The following MID1 variants were observed in gnomAD, a reference collection of about 807,000 sequenced individuals.
MID1 encodes the protein midline 1, also known as E3 ubiquitin-protein ligase Midline-1.
In MID1, 7 loss-of-function variants were observed where a neutral mutation model predicts 40.4. The ratio of observed to expected loss-of-function variants is 0.17; its 90% CI spans 0.10 to 0.33. MID1 has a LOEUF of 0.33. Ranked by LOEUF, MID1 falls within the 10% of genes least tolerant of loss-of-function variation. The pLI is 1.00. For missense variants in MID1, 367 were observed against 558.5 expected (o/e 0.66, Z 3.46); for synonymous variants, 229 against 221.2 (o/e 1.04, Z -0.31).
chrX:10,779,375 G>A (rs2043829437), intron 1 of MID1, among the ~76,000 whole-genome samples: 1 of 111,248 alleles, frequency 9.0e-6, no homozygotes, highest in African/African-American at 3.3e-5. Flanking sequence ...GTCTCCCCGT[G>A]TTGTCCAGGT....
rs150367454 is a variant in MID1 at position 10,659,633 on chromosome X, G to A, written c.-186-39214C>T. ...GCTGTCTTAGGTGAAAGTTTCACTAGAACAACTCTTAGATTCAAACTTGTA... is the reference window on the plus strand; with the variant it reads ...GCTGTCTTAGGTGAAAGTTTCACTAAAACAACTCTTAGATTCAAACTTGTA... On this transcript the variant is annotated intron_variant, in intron 1 of 10. Coordinates refer to the MID1 transcript ENST00000380785. Among the ~76,000 whole-genome samples, 1,023 of 110,578 alleles carry A rather than the reference G, an allele frequency of 9.3e-3. 13 individuals are homozygous for A. The highest frequency in any genetic ancestry group is 0.032 in the African/African-American group (974 of 30,383).
chrX:10,531,440 C>T (rs987325976), intron 2 of MID1, among the ~76,000 whole-genome samples: 9 of 111,396 alleles, frequency 8.1e-5, no homozygotes, highest in Non-Finnish European at 1.5e-4. Flanking sequence ...GACAGGCCGC[C>T]GAGGGAACTT....
chrX:10,812,870 C>T (rs1249497952), intron 1 of MID1, among the ~76,000 whole-genome samples: 1 of 110,949 alleles, frequency 9.0e-6, no homozygotes, highest in Non-Finnish European at 1.9e-5. Flanking sequence ...AACTGGCAAG[C>T]CACTCTCCCT....
chrX:10,491,032 A>G (rs1602297664), intron 4 of MID1, among the ~76,000 whole-genome samples: 1 of 111,625 alleles, frequency 9.0e-6, no homozygotes, highest in Non-Finnish European at 1.9e-5. Context: ...TCCTTCATCA[A>G]CCTTAACTAC....
intron 1 of MID1, among the ~76,000 whole-genome samples, chrX:10,777,191 A>G (rs183529949): frequency 1.8e-5 from 2 of 111,206 alleles, no homozygotes; most frequent in Admixed American, 1.9e-4. Context: ...TACTTATTTT[A>G]TTTGTTTGTT....
intron 5 of MID1, among the ~76,000 whole-genome samples, chrX:10,476,929 A>T (rs759297746): frequency 8.9e-6 from 1 of 112,387 alleles, no homozygotes; most frequent in African/African-American, 3.2e-5. Flanking sequence ...CTTATGACCC[A>T]TGAACACAAA....
intron 1 of MID1, among the ~76,000 whole-genome samples, chrX:10,790,292 C>T (rs1233656703): frequency 9.1e-6 from 1 of 109,710 alleles, no homozygotes; most frequent in East Asian, 2.8e-4. Context: ...CTATGGGTCC[C>T]ACCACGCCCA....
chrX:10,717,585 A>G (rs1318618671), intron 1 of MID1, among the ~76,000 whole-genome samples: 2 of 110,267 alleles, frequency 1.8e-5, no homozygotes, highest in Non-Finnish European at 1.9e-5. Context: ...AGACTCCCAC[A>G]CAATAATAAT....
At chrX:10,755,023 A>G (rs964139622) in intron 1 of MID1, among the ~76,000 whole-genome samples, 4 of 111,721 alleles carry the variant, frequency 3.6e-5, no homozygotes, top group Non-Finnish European at 5.6e-5. Context: ...AACTTGCAGG[A>G]AAAGTTTGAA....
intron 1 of MID1, among the ~76,000 whole-genome samples, chrX:10,758,224 C>G (rs2043647450): frequency 9.3e-6 from 1 of 107,971 alleles, no homozygotes; most frequent in South Asian, 4.1e-4. Context: ...ATCTGCCCGT[C>G]TCAGCCTCCC....
chrX:10,650,618 A>G lies in MID1; in HGVS notation c.-186-30199T>C, dbSNP rs1936307280. Among the ~76,000 whole-genome samples, 4 of 111,103 alleles carry G rather than the reference A, an allele frequency of 3.6e-5. No homozygotes were observed. The South Asian group carries it at 1.6e-3, about 43-fold the overall frequency. On this transcript the variant is annotated intron_variant, in intron 1 of 10. Transcript: ENST00000380785. ...CATTGTATGTTCTTCAAGCCCATTG[A>G]ATCTCCCTAAAAATAATTTACTAAT...
At position 10,605,447 on chromosome X, in the gene MID1, T is replaced by C. The variant is rs1387453156; in HGVS notation, c.-57+14843A>G. 2.7e-5 allele frequency among the ~76,000 whole-genome samples: 3 copies of C among 111,687 alleles called. No homozygotes were observed. In the Admixed American group the frequency reaches 2.9e-4, roughly 11 times the overall value. ...ACATAAACTATATGAAGAAAATTTG[T>C]ACCATTTCCTCTAAGAAGGGTGATT... On this transcript the variant is annotated intron_variant, in intron 1 of 9. Transcript: ENST00000317552.
chrX:10,523,048 G>T, intron 3 of MID1, 44 bp downstream of exon 3: 2 of 924,732 alleles, frequency 2.2e-6, no homozygotes, highest in Non-Finnish European at 3.1e-6. Flanking sequence ...TGATCTGGCA[G>T]TTTTCATATG....
chrX:10,642,043 A>G (rs1936203499), intron 1 of MID1, among the ~76,000 whole-genome samples: 1 of 112,060 alleles, frequency 8.9e-6, no homozygotes, highest in Non-Finnish European at 1.9e-5. Context: ...ATTTATGACA[A>G]ACTTACAGCC....
intron 2 of MID1, among the ~76,000 whole-genome samples, chrX:10,557,970 C>T (rs1934186213): frequency 9.1e-6 from 1 of 110,375 alleles, no homozygotes; most frequent in Non-Finnish European, 1.9e-5. Context: ...ATGTCTCTTC[C>T]CCCTTTTATT....
At chrX:10,674,372 C>G (rs2043007709) in intron 1 of MID1, among the ~76,000 whole-genome samples, 3 of 112,569 alleles carry the variant, frequency 2.7e-5, no homozygotes, top group African/African-American at 9.7e-5. Flanking sequence ...ATTGTTAGAA[C>G]AGCACGAGTT....
intron 1 of MID1, among the ~76,000 whole-genome samples, chrX:10,721,459 G>A (rs2043354136): frequency 9.0e-6 from 1 of 110,784 alleles, no homozygotes; most frequent in Admixed American, 9.6e-5. Flanking sequence ...TGCAAACTCA[G>A]ATAAATTCAT....
chrX:10,611,488 C>A (rs141159706), intron 1 of MID1, among the ~76,000 whole-genome samples: 40 of 111,649 alleles, frequency 3.6e-4, no homozygotes, highest in African/African-American at 1.2e-3. Context: ...TGGGAAATGT[C>A]CCATCAGCCT....
chrX:10,637,044 T>A (rs772588962), intron 1 of MID1, among the ~76,000 whole-genome samples: 2 of 106,494 alleles, frequency 1.9e-5, no homozygotes, highest in Non-Finnish European at 3.9e-5. Context: ...CATTGAACCA[T>A]CTCATCTGGG....
Sources: gnomAD v4.1 joint callset for allele counts (sites outside exome capture counted in the v4.1 genomes callset) on GRCh38, gnomAD v4.1.1 for gene constraint, MANE v1.5 for transcripts, NCBI Gene and HGNC (gene_info 2026-07-23, HGNC 2026-07-21) for gene names.